STT3B: variants seen among roughly 807,000 people sequenced by gnomAD.
STT3B encodes the protein dolichyl-diphosphooligosaccharide--protein glycosyltransferase subunit STT3B.
Under a neutral mutation model 96.8 loss-of-function variants are expected in STT3B, and 29 were observed. That is an observed-to-expected ratio of 0.30 (90% CI 0.22 to 0.41). The LOEUF (loss-of-function observed/expected upper bound fraction) is 0.41, where lower values mean the gene tolerates loss of function less well. STT3B is among the 10% of genes least tolerant of loss of function. The pLI is 1.00. For synonymous variants in STT3B, 367 were observed against 360.0 expected (o/e 1.02, Z -0.22); for missense variants, 640 against 1,022.3 (o/e 0.63, Z 5.10).
At chr3:31,577,378 G>GT (rs1339132248) in intron 2 of STT3B, among the ~76,000 whole-genome samples, 1 of 151,952 alleles carries the variant, frequency 6.6e-6, no homozygotes, top group Non-Finnish European at 1.5e-5. Context: ...CTGATGTGTA[G>GT]TATTTTCATT....
intron 1 of STT3B, among the ~76,000 whole-genome samples, chr3:31,544,426 TAA>T (rs1392854069): frequency 6.6e-6 from 1 of 152,232 alleles, no homozygotes; most frequent in Non-Finnish European, 1.5e-5. Context: ...ATAAACCAGA[TAA>T]AGTCTTTATT....
chr3:31,545,838 C>G (rs1279980350), intron 1 of STT3B, among the ~76,000 whole-genome samples: 2 of 139,004 alleles, frequency 1.4e-5, no homozygotes, highest in Non-Finnish European at 3.0e-5. Flanking sequence ...TTTTTAAGCT[C>G]ATCAGCTATC....
intron 5 of STT3B, among the ~76,000 whole-genome samples, chr3:31,601,775 G>A (rs1698935032): frequency 6.6e-6 from 1 of 152,162 alleles, no homozygotes; most frequent in Non-Finnish European, 1.5e-5. Flanking sequence ...TATATTAATT[G>A]TATCTCAACA....
At chr3:31,612,392 A>G (rs1699202323) in intron 5 of STT3B, among the ~76,000 whole-genome samples, 1 of 152,232 alleles carries the variant, frequency 6.6e-6, no homozygotes, top group Admixed American at 6.5e-5. Flanking sequence ...CACGTTTATC[A>G]GATTTGTACC....
intron 5 of STT3B, among the ~76,000 whole-genome samples, chr3:31,600,839 T>A (rs1671359019): frequency 6.6e-6 from 1 of 152,112 alleles, no homozygotes; most frequent in African/African-American, 2.4e-5. Flanking sequence ...CAGAAGCTCT[T>A]TTTTGGATAA....
At chr3:31,538,308 A>T (rs1697151923) in intron 1 of STT3B, among the ~76,000 whole-genome samples, 1 of 152,216 alleles carries the variant, frequency 6.6e-6, no homozygotes, top group African/African-American at 2.4e-5. Context: ...TATTATTTGA[A>T]CATATGTATA....
rs566469934 is a variant in STT3B at position 31,545,273 on chromosome 3, T to C, written c.314+11961T>C. 6.0e-4 allele frequency among the ~76,000 whole-genome samples: 91 copies of C among 152,332 alleles called. No homozygotes were observed. In the Middle Eastern group the frequency reaches 0.014, roughly 23 times the overall value. ...AGAAAGGAAGATCTTTTCACCTGTT[T>C]AAATACTTTATTTTGGCTGTTAAAA... On this transcript the variant is annotated intron_variant, in intron 1 of 15. Coordinates refer to ENST00000295770, the MANE Select transcript of STT3B (RefSeq NM_178862.3).
In STT3B at chr3:31,616,996, G is replaced by A; in HGVS notation, c.1044G>A (p.Glu348=). 1 of 1,611,952 alleles carries A rather than the reference G, an allele frequency of 6.2e-7. No individual in the cohort carries two copies. Among genetic ancestry groups the A allele is most frequent in the Non-Finnish European group, 8.5e-7 (1 of 1,178,352 alleles). Residue 348 remains glutamate, a synonymous_variant, in exon 7 of 16, where the codon GAG becomes GAA. Transcript: ENST00000295770. ...QYLRDRLTKQ[E]FQTLFFLGVS... Reference sequence around the variant, plus strand: ...TGAGAGACCGATTAACAAAACAAGAGTTCCAGACCCTTTTCTTTTTGGGTG... The same window carrying A: ...TGAGAGACCGATTAACAAAACAAGAATTCCAGACCCTTTTCTTTTTGGGTG...
chr3:31,623,833 G>A lies in STT3B; in HGVS notation c.1699G>A (p.Val567Ile). The A allele has an allele frequency of 6.2e-7, 1 of 1,613,358 alleles. No homozygotes were observed. Among genetic ancestry groups the A allele is most frequent in the African/African-American group, 1.3e-5 (1 of 75,028 alleles). Residue 567 changes from valine (V) to isoleucine (I), a missense_variant, in exon 11 of 16, where the codon GTA becomes ATA. Physicochemically the swap from Val to Ile is conservative, Grantham distance 29. Coordinates refer to ENST00000295770, the MANE Select transcript of STT3B (RefSeq NM_178862.3). ...AAGCAATGCCTACTCTAGTCCAAGT[G>A]TAGTCCTGGCCTCATACAATCATGA... Reference protein sequence around the residue: ...VTSNAYSSPSVVLASYNHDGT... With the variant: ...VTSNAYSSPSIVLASYNHDGT...
chr3:31,627,205 G>A (rs894243805), intron 13 of STT3B, among the ~76,000 whole-genome samples: 2 of 152,154 alleles, frequency 1.3e-5, no homozygotes, highest in Non-Finnish European at 2.9e-5. Context: ...GCAGGTGAGC[G>A]ATCATTGCCG....
chr3:31,603,498 A>C (rs1028968088), intron 5 of STT3B, among the ~76,000 whole-genome samples: 1 of 152,074 alleles, frequency 6.6e-6, no homozygotes, highest in Non-Finnish European at 1.5e-5. Flanking sequence ...TTGGGAAGTA[A>C]ATGTTTAAAA....
At chr3:31,585,573 T>TTTTTG (rs770844665) in intron 3 of STT3B, among the ~76,000 whole-genome samples, 29 of 147,904 alleles carry the variant, frequency 2.0e-4, no homozygotes, top group Non-Finnish European at 3.5e-4. Flanking sequence ...TTTGTTTTGT[T>TTTTTG]TTTTGTTTTG....
chr3:31,537,872 T>C (rs879297861), intron 1 of STT3B, among the ~76,000 whole-genome samples: 27 of 152,216 alleles, frequency 1.8e-4, no homozygotes, highest in Admixed American at 6.5e-4. Flanking sequence ...TTTATTGTTA[T>C]ATCTTAGTAT....
chr3:31,611,148 G>A (rs1699170864), intron 5 of STT3B, among the ~76,000 whole-genome samples: 7 of 152,068 alleles, frequency 4.6e-5, no homozygotes, highest in Admixed American at 4.6e-4. Flanking sequence ...GTCTTGTTGA[G>A]GTCTTCTGAA....
intron 1 of STT3B, among the ~76,000 whole-genome samples, chr3:31,551,472 C>T (rs1389410718): frequency 6.6e-6 from 1 of 152,178 alleles, no homozygotes; most frequent in Non-Finnish European, 1.5e-5. Context: ...CCACCTTGGC[C>T]TCTCAGAGTG....
intron 5 of STT3B, among the ~76,000 whole-genome samples, chr3:31,603,393 A>G (rs1698976661): frequency 6.6e-6 from 1 of 151,982 alleles, no homozygotes; most frequent in East Asian, 1.9e-4. Flanking sequence ...GGTGTAAGAA[A>G]AGCTGAGATG....
At chr3:31,537,118 A>G (rs753830105) in intron 1 of STT3B, among the ~76,000 whole-genome samples, 8 of 152,226 alleles carry the variant, frequency 5.3e-5, no homozygotes, top group Admixed American at 2.6e-4. Flanking sequence ...TGCTGGGCAG[A>G]AAGTTGCAAG....
At chr3:31,556,728 A>G (rs1425946010) in intron 1 of STT3B, among the ~76,000 whole-genome samples, 2 of 152,234 alleles carry the variant, frequency 1.3e-5, no homozygotes, top group African/African-American at 4.8e-5. Context: ...TCCTTTGCTT[A>G]TTAATGTGAT....
At chr3:31,543,381 C>A (rs909181743) in intron 1 of STT3B, among the ~76,000 whole-genome samples, 2 of 152,092 alleles carry the variant, frequency 1.3e-5, no homozygotes, top group African/African-American at 4.8e-5. Context: ...TAACTTACTA[C>A]TATTATTGTA....
Sources: allele counts gnomAD v4.1 joint callset (sites outside exome capture counted in the v4.1 genomes callset), GRCh38; gene constraint gnomAD v4.1.1; transcripts MANE v1.5; gene names NCBI Gene and HGNC (gene_info 2026-07-23, HGNC 2026-07-21).